Variants in TM2D2 observed in about 807,000 individuals in gnomAD.
The protein encoded by TM2D2 is TM2 domain containing 2, also known as TM2 domain-containing protein 2.
Under a neutral mutation model 23.0 loss-of-function variants are expected in TM2D2, and 19 were observed. That is an observed-to-expected ratio of 0.82 (90% CI 0.58 to 1.21). The LOEUF (loss-of-function observed/expected upper bound fraction) is 1.21, where lower values mean the gene tolerates loss of function less well. Among genes scored for constraint, TM2D2 ranks in the 50% most tolerant of loss-of-function variants. TM2D2 has a pLI of 0.00. For synonymous variants in TM2D2, 120 were observed against 108.8 expected, an observed-to-expected ratio of 1.10 and a Z score of -0.64; for missense variants, 246 against 265.4, an observed-to-expected ratio of 0.93 and a Z score of 0.51.
chr8:38,996,694 T>G (rs962850033), upstream of TM2D2: 1 of 1,421,132 alleles, frequency 7.0e-7, no homozygotes, highest in Non-Finnish European at 9.2e-7. Flanking sequence ...TCCTCCTTCT[T>G]TTGCGCCGAA....
chr8:38,994,194 G>GT (rs1193755447), intron 2 of TM2D2, among the ~76,000 whole-genome samples: 2 of 152,156 alleles, frequency 1.3e-5, no homozygotes, highest in Non-Finnish European at 2.9e-5. Flanking sequence ...TCATAAATGT[G>GT]TATTACCTGA....
rs562237761 is a variant in TM2D2 at position 38,995,371 on chromosome 8, C to A, written c.262G>T (p.Asp88Tyr). The A allele has an allele frequency of 6.2e-7, 1 of 1,610,698 alleles. No homozygotes were observed. The highest frequency in any genetic ancestry group is 2.2e-5 in the East Asian group (1 of 44,478). ...DEFIECEDPVDHVGNATASQE... is the reference protein window; with the variant it reads ...DEFIECEDPVYHVGNATASQE... ...GATGCAGTTGCATTTCCAACATGAT[C>A]CACTGGGTCTTCACATTCTATAAAT... The change falls in exon 2 of 4, where the codon GAT becomes TAT. Residue 88 changes from aspartate (D) to tyrosine (Y), a missense_variant. Around this residue, in one of 2 missense-constraint regions of TM2D2, gnomAD observed 212 missense variants for 202.2 expected, o/e 1.05. Coordinates refer to ENST00000456397, the MANE Select transcript of TM2D2 (RefSeq NM_078473.3).
rs7832975 is a variant in TM2D2 at position 38,989,632 on chromosome 8, T to C, written c.*1700A>G. The C allele has an allele frequency of 0.41, 61,967 of 152,146 alleles. 13,266 individuals are homozygous for C. Among genetic ancestry groups the C allele is most frequent in the East Asian group, 0.74 (3,863 of 5,186 alleles). 9.4% of individuals were successfully genotyped at this position (152,146 alleles called of 1,614,324 possible). A position where few individuals can be genotyped will look rare whatever the true frequency, so the allele number is the denominator to read the frequency against. On this transcript the variant is annotated 3_prime_UTR_variant, in exon 4 of 4. Transcript: ENST00000456397. The stretch of plus-strand genomic sequence containing the variant: ...ATTGCGCTGGCCCTAAAGTTTCTTA[T>C]TTTTTAAAGAAAACAACTTTTGGTA...
Position 38,996,441 on chromosome 8 carries a change from T to C in TM2D2, c.-2A>G, listed in dbSNP as rs1835799133. 6.2e-7 allele frequency: 1 copy of C among 1,613,934 alleles called. No homozygotes were observed. The highest frequency in any genetic ancestry group is 8.5e-7 in the Non-Finnish European group (1 of 1,179,924). On this transcript the variant is annotated 5_prime_UTR_variant, in exon 1 of 4. Transcript: ENST00000456397. ...AACCGGGCAACCACCTAGCACCATCTTCCCGGGCACAGGAGCGGAGACCCG... is the reference window on the plus strand; with the variant it reads ...AACCGGGCAACCACCTAGCACCATCCTCCCGGGCACAGGAGCGGAGACCCG...
chr8:38,996,538 GC>G (rs1173464328), upstream of TM2D2: 1 of 1,509,154 alleles, frequency 6.6e-7, no homozygotes, highest in African/African-American at 1.4e-5. Flanking sequence ...GCGTAGCCCC[GC>G]CCGCGTAGCC....
chr8:38,995,630 C>T (rs1835748050), intron 1 of TM2D2: 5 of 1,428,454 alleles, frequency 3.5e-6, no homozygotes, highest in Non-Finnish European at 4.6e-6. Context: ...GTTTCTGGTC[C>T]TGTTTCTATA....
rs774006338 is a variant in TM2D2 at position 38,996,215 on chromosome 8, G to A, written c.225C>T (p.Tyr75=). 3 of 1,613,016 alleles carry A rather than the reference G, an allele frequency of 1.9e-6. No individual in the cohort carries two copies. The highest frequency in any genetic ancestry group is 1.7e-5 in the Admixed American group (1 of 59,990). Residue 75 remains tyrosine (Y), a splice_region_variant and synonymous_variant, in exon 1 of 4, where the codon TAC becomes TAT. Transcript: ENST00000456397. ...CGCCTCGACCACTGGTAGCTTACAGGTAAGAGCAGAGGATGACCGGAGAGT... is the reference window on the plus strand; with the variant it reads ...CGCCTCGACCACTGGTAGCTTACAGATAAGAGCAGAGGATGACCGGAGAGT... The part of the protein sequence containing the change: ...DPHSPVILCS[Y]LPDEFIECED...
At chr8:38,996,732 C>T (rs1588309729), upstream of TM2D2, 13 of 1,420,414 alleles carry the variant, frequency 9.2e-6, no homozygotes, top group South Asian at 1.5e-5. Flanking sequence ...TCCGTCGACC[C>T]CCCTAGGTGG....
At position 38,996,386 on chromosome 8, in the gene TM2D2, A is replaced by G; in HGVS notation, c.54T>C (p.Ala18=). The change falls in exon 1 of 4, where the codon GCT becomes GCC. Residue 18 remains alanine (A), a synonymous_variant. Transcript: ENST00000456397. ...GCAGAAGTAAATTCCCCAGCAGCAA[A>G]GCCGCCTGGCCGCACAGAAGTAAGT... ...VSYLLLCGQA[A]LLLGNLLLLH... 1 of 1,614,226 alleles carries G rather than the reference A, an allele frequency of 6.2e-7. No individual in the cohort carries two copies. The highest frequency in any genetic ancestry group is 1.1e-5 in the South Asian group (1 of 91,092).
upstream of TM2D2, chr8:38,996,838 G>A: frequency 6.9e-7 from 1 of 1,442,496 alleles, no homozygotes. Flanking sequence ...TCTCGCGCCG[G>A]GGACTGGATT....
chr8:38,995,229 T>TG, intron 2 of TM2D2, 89 bp downstream of exon 2: 1 of 982,212 alleles, frequency 1.0e-6, no homozygotes, highest in Non-Finnish European at 1.5e-6. Flanking sequence ...TCAAAAAACT[T>TG]TGTACCTCTT....
chr8:38,991,625 T>C lies in TM2D2; in HGVS notation c.432-80A>G. ...TAAGGATTAGTGAATTTAACGTAAG[T>C]GATGAGACAGTGCAGTGGACCCTCT... On this transcript the variant is annotated intron_variant, in intron 3 of 3. Transcript: ENST00000456397. 13 of 1,106,070 alleles carry C rather than the reference T, an allele frequency of 1.2e-5. No homozygotes were observed. In the South Asian group the frequency reaches 1.6e-4, roughly 14 times the overall value. 68.5% of individuals were successfully genotyped at this position (1,106,070 alleles called of 1,614,324 possible).
At position 38,994,619 on chromosome 8, in the gene TM2D2, T is replaced by C. The variant is rs147653311; in HGVS notation, c.315+699A>G. ...ATGCCTTCCCATCATTCTCTTAACA[T>C]CTGACCAAATCTTGACTTGCATTAT... On this transcript the variant is annotated intron_variant, in intron 2 of 3. Coordinates refer to ENST00000456397, the MANE Select transcript of TM2D2 (RefSeq NM_078473.3). Among the ~76,000 whole-genome samples, 221 of 152,300 alleles carry C rather than the reference T, an allele frequency of 1.5e-3. 1 individual carries two copies. Among genetic ancestry groups the C allele is most frequent in the African/African-American group, 5.1e-3 (214 of 41,560 alleles).
intron 1 of TM2D2, 26 bp downstream of exon 1, chr8:38,996,185 CCA>C: frequency 1.2e-6 from 2 of 1,601,992 alleles, no homozygotes; most frequent in Non-Finnish European, 1.7e-6. Context: ...CCCTCCACGT[CCA>C]CCCGCCTCGA....
chr8:38,996,593 C>T, upstream of TM2D2: 4 of 1,454,770 alleles, frequency 2.7e-6, no homozygotes, highest in Non-Finnish European at 3.6e-6. Context: ...CTCCGCGCAC[C>T]TCCGCCAACC....
At chr8:38,996,873 C>A (rs1835823084), upstream of TM2D2, 3 of 1,465,410 alleles carry the variant, frequency 2.0e-6, no homozygotes, top group Non-Finnish European at 2.7e-6. Flanking sequence ...CGCAGCTAGG[C>A]GATGTCGGGA....
At chr8:38,996,583 C>T, upstream of TM2D2, 1 of 1,459,278 alleles carries the variant, frequency 6.9e-7, no homozygotes, top group Non-Finnish European at 9.1e-7. Context: ...CAGCTCGACG[C>T]TCCGCGCACC....
chr8:38,989,912 T>C lies in TM2D2; in HGVS notation c.*1420A>G, dbSNP rs988610609. The C allele has an allele frequency of 6.6e-6, 1 of 152,196 alleles. No homozygotes were observed. Among genetic ancestry groups the C allele is most frequent in the African/African-American group, 2.4e-5 (1 of 41,456 alleles). The allele number at this position is 152,196 out of a possible 1,614,324, so 9.4% of individuals were successfully genotyped here. Reference sequence around the variant, plus strand: ...ACCCAAGTTCTATGTAAATTCTGTGTATGTAGATTTTTCTGGGGAGAGGGT... The same window carrying C: ...ACCCAAGTTCTATGTAAATTCTGTGCATGTAGATTTTTCTGGGGAGAGGGT... On this transcript the variant is annotated 3_prime_UTR_variant, in exon 4 of 4. Coordinates refer to ENST00000456397, the MANE Select transcript of TM2D2 (RefSeq NM_078473.3).
Position 38,991,433 on chromosome 8 carries a change from T to G in TM2D2, c.544A>C (p.Thr182Pro). Residue 182 changes from threonine (T) to proline (P), a missense_variant, in exon 4 of 4, where the codon ACG (threonine) becomes CCG (proline). Around this residue, in one of 2 missense-constraint regions of TM2D2, gnomAD observed 34 missense variants for 63.2 expected, o/e 0.54. Transcript: ENST00000456397. ...CACCAAATCCCAAGTCCTCCAAGCG[T>G]CAACAGCTTCCCTACTGCAGTGCCA... ...HTGTAVGKLL[T>P]LGGLGIWWFV... 6.2e-7 allele frequency: 1 copy of G among 1,614,008 alleles called. No homozygotes were observed. Among genetic ancestry groups the G allele is most frequent in the Admixed American group, 1.7e-5 (1 of 60,000 alleles).
Sources: allele counts gnomAD v4.1 joint callset (sites outside exome capture counted in the v4.1 genomes callset), GRCh38; gene constraint gnomAD v4.1.1; regional missense constraint gnomAD v4.1.1; transcripts MANE v1.5; gene names NCBI Gene and HGNC (gene_info 2026-07-23, HGNC 2026-07-21).